The following AKAP6 variants were observed in gnomAD, a reference collection of about 807,000 sequenced individuals.
AKAP6 encodes A-kinase anchor protein 6.
A neutral mutation model predicts 188.5 loss-of-function variants in AKAP6; 58 were observed. The observed-to-expected ratio is 0.31, with a 90% CI of 0.25 to 0.38. The LOEUF (loss-of-function observed/expected upper bound fraction) is 0.38. Among genes scored for constraint, AKAP6 ranks in the 10% least tolerant of loss-of-function variants. The probability of loss-of-function intolerance (pLI) is 1.00; values close to 1 mark genes in which losing one functional copy is unlikely to be tolerated. For missense variants in AKAP6, 2,710 were observed against 2,740.0 expected, an observed-to-expected ratio of 0.99 and a Z score of 0.24; for synonymous variants, 989 against 998.6, an observed-to-expected ratio of 0.99 and a Z score of 0.18.
intron 4 of AKAP6, among the ~76,000 whole-genome samples, chr14:32,572,615 G>A (rs12435734): frequency 0.41 from 62,287 of 152,060 alleles, 12,883 homozygotes; most frequent in Middle Eastern, 0.46. Flanking sequence ...TTCTTAACTT[G>A]TTGGGAGAGT....
At chr14:32,713,113 A>T (rs2029984921) in intron 9 of AKAP6, among the ~76,000 whole-genome samples, 1 of 152,070 alleles carries the variant, frequency 6.6e-6, no homozygotes, top group Non-Finnish European at 1.5e-5. Context: ...GTACATCTCC[A>T]TCAGAGCTCT....
intron 9 of AKAP6, among the ~76,000 whole-genome samples, chr14:32,708,721 A>G (rs966061939): frequency 5.3e-5 from 8 of 152,044 alleles, no homozygotes; most frequent in Admixed American, 5.2e-4. Context: ...TCAAATTAGC[A>G]TCTGACAGAT....
intron 4 of AKAP6, among the ~76,000 whole-genome samples, chr14:32,562,604 A>G (rs1884002246): frequency 6.6e-6 from 1 of 152,050 alleles, no homozygotes; most frequent in Non-Finnish European, 1.5e-5. Context: ...CTAAACATAT[A>G]AAAATTAGCT....
intron 7 of AKAP6, among the ~76,000 whole-genome samples, chr14:32,636,526 T>G (rs10130459): frequency 0.63 from 96,390 of 151,848 alleles, 31,712 homozygotes; most frequent in East Asian, 0.94. Flanking sequence ...AGCCCTACAG[T>G]TACTCATAGC....
At chr14:32,678,522 T>C (rs897941893) in intron 8 of AKAP6, 63 bp downstream of exon 8, 2 of 1,588,344 alleles carry the variant, frequency 1.3e-6, no homozygotes, top group African/African-American at 1.3e-5. Context: ...GATTTTCCAC[T>C]GGTAGGTGTT....
chr14:32,440,257 A>G (rs1890525968), intron 2 of AKAP6, among the ~76,000 whole-genome samples: 1 of 150,672 alleles, frequency 6.6e-6, no homozygotes, highest in Admixed American at 6.7e-5. Flanking sequence ...TTATTGATGG[A>G]CTCATAGGTG....
chr14:32,543,190 C>G (rs1280331712), intron 3 of AKAP6, among the ~76,000 whole-genome samples: 1 of 152,214 alleles, frequency 6.6e-6, no homozygotes, highest in Admixed American at 6.5e-5. Context: ...CAGCCTCTAG[C>G]TATTCCCACC....
chr14:32,467,868 A>G (rs185849675), intron 2 of AKAP6, among the ~76,000 whole-genome samples: 2 of 151,782 alleles, frequency 1.3e-5, no homozygotes, highest in African/African-American at 4.8e-5. Flanking sequence ...TTACATGTTA[A>G]ATTTTCTTGG....
chr14:32,728,607 A>C (rs1387059174), intron 9 of AKAP6, among the ~76,000 whole-genome samples: 1 of 152,216 alleles, frequency 6.6e-6, no homozygotes, highest in Non-Finnish European at 1.5e-5. Context: ...TCAAACCCTG[A>C]TGACACAGAA....
At chr14:32,567,070 C>T (rs933224305) in intron 4 of AKAP6, among the ~76,000 whole-genome samples, 1 of 152,082 alleles carries the variant, frequency 6.6e-6, no homozygotes, top group Non-Finnish European at 1.5e-5. Context: ...TACAGGTGCA[C>T]ACCACCCTGA....
At chr14:32,651,011 T>G (rs1888200326) in intron 7 of AKAP6, among the ~76,000 whole-genome samples, 2 of 152,204 alleles carry the variant, frequency 1.3e-5, no homozygotes, top group African/African-American at 4.8e-5. Context: ...TACCCAATTA[T>G]TCCATCTTTG....
Position 32,601,526 on chromosome 14 carries a change from A to C in AKAP6, c.2730+734A>C, listed in dbSNP as rs527885835. ...GGTATCTTTGGGCTCATAATGTGGA[A>C]AATAATGTTATTAATTTGATATTTT... On this transcript the variant is annotated intron_variant, in intron 7 of 13. Coordinates refer to ENST00000280979, the MANE Select transcript of AKAP6 (RefSeq NM_004274.5). 4.6e-5 allele frequency among the ~76,000 whole-genome samples: 7 copies of C among 152,354 alleles called. No individual in the cohort carries two copies. In the South Asian group the frequency reaches 1.5e-3, roughly 32 times the overall value.
intron 1 of AKAP6, among the ~76,000 whole-genome samples, chr14:32,346,747 A>G (rs1306796954): frequency 2.0e-5 from 3 of 152,150 alleles, no homozygotes; most frequent in African/African-American, 7.2e-5. Flanking sequence ...TGACCTTGTG[A>G]TCCACCCACC....
At chr14:32,697,281 C>A (rs1346721090) in intron 9 of AKAP6, among the ~76,000 whole-genome samples, 2 of 152,102 alleles carry the variant, frequency 1.3e-5, no homozygotes, top group African/African-American at 4.8e-5. Flanking sequence ...ATAAGCTCCC[C>A]AGGGACCCAG....
intron 1 of AKAP6, among the ~76,000 whole-genome samples, chr14:32,424,653 T>A (rs1889969949): frequency 6.6e-6 from 1 of 152,124 alleles, no homozygotes; most frequent in Non-Finnish European, 1.5e-5. Context: ...TCCCTCCCCC[T>A]ACTCTCTACC....
At chr14:32,474,783 A>G (rs1019341478) in intron 2 of AKAP6, among the ~76,000 whole-genome samples, 6 of 152,208 alleles carry the variant, frequency 3.9e-5, no homozygotes, top group Non-Finnish European at 7.3e-5. Context: ...TCATTTTCCA[A>G]AATTTGTTCT....
intron 1 of AKAP6, among the ~76,000 whole-genome samples, chr14:32,413,311 T>C (rs1889553590): frequency 6.6e-6 from 1 of 151,390 alleles, no homozygotes; most frequent in Non-Finnish European, 1.5e-5. Flanking sequence ...GCCTCCTGAG[T>C]AGCTGGGACC....
At chr14:32,343,231 A>AG (rs113069590) in intron 1 of AKAP6, among the ~76,000 whole-genome samples, 1 of 150,964 alleles carries the variant, frequency 6.6e-6, no homozygotes, top group African/African-American at 2.5e-5. Flanking sequence ...CTTGTCAAGT[A>AG]TACCTTCCTT....
chr14:32,518,459 C>T (rs770205572), intron 2 of AKAP6, among the ~76,000 whole-genome samples: 6 of 152,072 alleles, frequency 3.9e-5, no homozygotes, highest in East Asian at 1.9e-4. Context: ...AAAGATTAGA[C>T]GAATGGCTAA....
Sources: gnomAD v4.1 joint callset for allele counts (sites outside exome capture counted in the v4.1 genomes callset) on GRCh38, gnomAD v4.1.1 for gene constraint, MANE v1.5 for transcripts, NCBI Gene and HGNC (gene_info 2026-07-23, HGNC 2026-07-21) for gene names.